The following MARCO variants were observed in gnomAD, a reference collection of about 807,000 sequenced individuals.
MARCO encodes the protein macrophage receptor MARCO.
A neutral mutation model predicts 70.0 loss-of-function variants in MARCO; 72 were observed. The observed-to-expected ratio is 1.03, with a 90% confidence interval of 0.85 to 1.25. MARCO has a LOEUF of 1.25. Ranked by LOEUF, MARCO falls within the 50% of genes most tolerant of loss-of-function variation. The probability of loss-of-function intolerance (pLI) is 0.00; values close to 1 mark genes in which losing one functional copy is unlikely to be tolerated. For synonymous variants in MARCO, 273 were observed against 243.1 expected (o/e 1.12, Z -1.14); for missense variants, 696 against 659.3 (o/e 1.06, Z -0.61).
rs765391718 is a variant in MARCO at position 118,978,078 on chromosome 2, A to G, written c.766+143A>G. The G allele has an allele frequency of 9.2e-5, 53 of 573,550 alleles. No homozygotes were observed. The Middle Eastern group carries it at 8.8e-3, about 95-fold the overall frequency. 35.5% of individuals were successfully genotyped at this position (573,550 alleles called of 1,614,324 possible). On this transcript the variant is annotated intron_variant, in intron 8 of 16. Transcript: ENST00000327097. The stretch of plus-strand genomic sequence containing the variant: ...TGGGAATCTCTGGAGCACCACACAT[A>G]GTCTCTTCTTTCCGGGTGAGCAAAG...
chr2:118,951,914 TC>T (rs1285034742), intron 1 of MARCO, among the ~76,000 whole-genome samples: 1 of 151,936 alleles, frequency 6.6e-6, no homozygotes, highest in Non-Finnish European at 1.5e-5. Flanking sequence ...TCTCTTTGAC[TC>T]CCTCTTTGTC....
In MARCO at chr2:118,977,881, G is replaced by C. The variant is rs1278287073; in HGVS notation, c.712G>C (p.Gly238Arg). The change falls in exon 8 of 17, where the codon GGC (glycine) becomes CGC (arginine). Residue 238 changes from glycine to arginine, a missense_variant. Gly to Arg is a moderately radical substitution (Grantham distance 125). Around this residue, in one of 3 missense-constraint regions of MARCO, gnomAD observed 605 missense variants for 537.6 expected, o/e 1.13. Transcript: ENST00000327097. Reference sequence around the variant, plus strand: ...CAGCAAAGGCGATGGGGGTCTCATTGGCCCAAAAGGGGAAACTGGAACTAA... The same window carrying C: ...CAGCAAAGGCGATGGGGGTCTCATTCGCCCAAAAGGGGAAACTGGAACTAA... Reference protein sequence around the residue: ...KGSKGDGGLIGPKGETGTKGE... With the variant: ...KGSKGDGGLIRPKGETGTKGE... 6.2e-7 allele frequency: 1 copy of C among 1,612,656 alleles called. No individual in the cohort carries two copies. Among genetic ancestry groups the C allele is most frequent in the Admixed American group, 1.7e-5 (1 of 59,882 alleles).
At chr2:118,963,764 G>T (rs1245849823) in intron 1 of MARCO, among the ~76,000 whole-genome samples, 1 of 152,018 alleles carries the variant, frequency 6.6e-6, no homozygotes, top group East Asian at 1.9e-4. Context: ...TCTATTGTTT[G>T]ATTTCTTATT....
rs778790603 is a variant in MARCO, at chr2:118,982,248, C to G, written c.994C>G (p.Arg332Gly). Residue 332 changes from arginine to glycine, a missense_variant, in exon 11 of 17, where the codon CGA becomes GGA. Around this residue, in one of 3 missense-constraint regions of MARCO, gnomAD observed 605 missense variants for 537.6 expected, o/e 1.13. Transcript: ENST00000327097. Reference sequence around the variant, plus strand: ...GCCTGGCAGTGCTGGCTCCCCTGGGCGAGCAGGTGAGGTCCTGGGTCCTAT... The same window carrying G: ...GCCTGGCAGTGCTGGCTCCCCTGGGGGAGCAGGTGAGGTCCTGGGTCCTAT... ...GEPGSAGSPGRAGLPGSPGSP... is the reference protein window; with the variant it reads ...GEPGSAGSPGGAGLPGSPGSP... The G allele has an allele frequency of 6.2e-7, 1 of 1,612,404 alleles. No individual in the cohort carries two copies. Among genetic ancestry groups the G allele is most frequent in the Non-Finnish European group, 8.5e-7 (1 of 1,178,930 alleles).
intron 1 of MARCO, among the ~76,000 whole-genome samples, chr2:118,958,354 C>G (rs1178021623): frequency 6.6e-6 from 1 of 150,938 alleles, no homozygotes; most frequent in African/African-American, 2.4e-5. Flanking sequence ...CTTACACCAA[C>G]AGTGACCAAT....
chr2:118,974,778 G>A (rs535628787), intron 6 of MARCO, among the ~76,000 whole-genome samples: 1 of 152,288 alleles, frequency 6.6e-6, no homozygotes, highest in African/African-American at 2.4e-5. Context: ...CTCAGGGGCA[G>A]GTATGGCTAG....
At chr2:118,973,288 C>G (rs938779948) in intron 4 of MARCO, among the ~76,000 whole-genome samples, 1 of 143,500 alleles carries the variant, frequency 7.0e-6, no homozygotes, top group African/African-American at 2.6e-5. Flanking sequence ...TCCATGTCTC[C>G]CTCTCTCTCT....
At chr2:118,977,790 A>C in intron 7 of MARCO, 38 bp from the exon 8 acceptor site, 1 of 1,508,204 alleles carries the variant, frequency 6.6e-7, no homozygotes, top group Non-Finnish European at 9.1e-7. Flanking sequence ...CCCCAAAAGG[A>C]TAGTGGGAGC....
chr2:118,956,698 TCAA>T (rs1679844467), intron 1 of MARCO, among the ~76,000 whole-genome samples: 2 of 152,256 alleles, frequency 1.3e-5, no homozygotes, highest in African/African-American at 4.8e-5. Flanking sequence ...CACATTCTAT[TCAA>T]CAGTGCATGG....
At chr2:118,944,883 T>A (rs1679566882) in intron 1 of MARCO, 1 of 152,162 alleles carries the variant, frequency 6.6e-6, no homozygotes, top group South Asian at 2.1e-4. Flanking sequence ...CCTCCCTCAT[T>A]AGAACAAGCC....
intron 12 of MARCO, among the ~76,000 whole-genome samples, chr2:118,988,924 C>A (rs553035749): frequency 6.6e-6 from 1 of 152,268 alleles, no homozygotes; most frequent in Admixed American, 6.5e-5. Flanking sequence ...CCGGGCTCAG[C>A]GCTTGATACA....
chr2:118,990,675 G>A (rs368277176), intron 13 of MARCO, 42 bp downstream of exon 13: 298 of 1,595,248 alleles, frequency 1.9e-4, no homozygotes, highest in Non-Finnish European at 2.5e-4. Context: ...AGTGATGACG[G>A]GGAAGGCCTG....
chr2:118,963,687 A>G (rs747110674), intron 1 of MARCO, among the ~76,000 whole-genome samples: 31 of 152,144 alleles, frequency 2.0e-4, no homozygotes, highest in Non-Finnish European at 3.4e-4. Context: ...TAAAGTCTCA[A>G]CTATAATTGT....
At chr2:118,986,677 GAAAGAAA>G (rs1558671783) in intron 12 of MARCO, among the ~76,000 whole-genome samples, 1,720 of 39,708 alleles carry the variant, frequency 0.043, 30 homozygotes, top group Middle Eastern at 0.073. Context: ...AGGAAGGAAA[GAAAGAAA>G]GAAAGAAAGA....
At chr2:118,987,516 C>T (rs1259643790) in intron 12 of MARCO, among the ~76,000 whole-genome samples, 1 of 152,140 alleles carries the variant, frequency 6.6e-6, no homozygotes. Context: ...TCATCAAGGT[C>T]CAACCTCTGC....
chr2:118,967,310 C>T (rs1166326826), intron 1 of MARCO, among the ~76,000 whole-genome samples: 1 of 152,200 alleles, frequency 6.6e-6, no homozygotes, highest in African/African-American at 2.4e-5. Flanking sequence ...AGGGGACACA[C>T]ATTGCCCCAA....
chr2:118,982,368 A>G lies in MARCO; in HGVS notation c.1021A>G (p.Ser341Gly). The G allele has an allele frequency of 5.6e-6, 9 of 1,613,886 alleles. No homozygotes were observed. The highest frequency in any genetic ancestry group is 7.6e-6 in the Non-Finnish European group (9 of 1,179,904). The change falls in exon 12 of 17, where the codon AGT (serine) becomes GGT (glycine). Residue 341 changes from serine to glycine, a missense_variant. Physicochemically the swap from Ser to Gly is moderately conservative, Grantham distance 56. Transcript: ENST00000327097. ...TCCAGGACTTCCAGGGAGCCCCGGG[A>G]GTCCAGGAGCCACAGGCCTGAAAGG... is the stretch of plus-strand genomic sequence containing the variant. ...GRAGLPGSPG[S>G]PGATGLKGSK...
intron 1 of MARCO, among the ~76,000 whole-genome samples, chr2:118,961,081 A>G (rs937523575): frequency 1.3e-5 from 2 of 152,086 alleles, no homozygotes; most frequent in Admixed American, 1.3e-4. Context: ...ATTCCTTTTC[A>G]TGGCTGCACA....
At chr2:118,993,441 T>A in intron 16 of MARCO, 141 bp downstream of exon 16, 2 of 765,456 alleles carry the variant, frequency 2.6e-6, no homozygotes, top group Non-Finnish European at 4.2e-6. Flanking sequence ...AGCTCTGCAG[T>A]GCAGGGCTCC....
Sources: gnomAD v4.1 joint callset for allele counts (sites outside exome capture counted in the v4.1 genomes callset) on GRCh38, gnomAD v4.1.1 for gene constraint, gnomAD v4.1.1 regional missense constraint, MANE v1.5 for transcripts, NCBI Gene and HGNC (gene_info 2026-07-23, HGNC 2026-07-21) for gene names.